Variants in LHFPL2 observed in about 807,000 individuals in gnomAD.
LHFPL2 encodes LHFPL tetraspan subfamily member 2 protein.
Under a neutral mutation model 17.5 loss-of-function variants are expected in LHFPL2, and 7 were observed. The ratio of observed to expected loss-of-function variants is 0.40; its 90% confidence interval spans 0.23 to 0.75. The LOEUF is 0.75. LHFPL2 is among the 30% of genes least tolerant of loss of function. LHFPL2 has a pLI of 0.37. For synonymous variants in LHFPL2, 134 were observed against 116.2 expected, an observed-to-expected ratio of 1.15 and a Z score of -0.99; for missense variants, 241 against 294.8, an observed-to-expected ratio of 0.82 and a Z score of 1.34.
intron 4 of LHFPL2, among the ~76,000 whole-genome samples, chr5:78,503,526 G>A (rs937440191): frequency 6.6e-5 from 10 of 152,096 alleles, no homozygotes; most frequent in Admixed American, 2.0e-4. Flanking sequence ...GTGAAACCCC[G>A]TCTCTACTAA....
At chr5:78,590,130 A>G (rs1346630941) in intron 2 of LHFPL2, 2 of 152,262 alleles carry the variant, frequency 1.3e-5, no homozygotes, top group African/African-American at 4.8e-5. Flanking sequence ...TTTCACACAC[A>G]TGGCTCTACT....
At chr5:78,602,802 G>A (rs1357206320) in intron 2 of LHFPL2, among the ~76,000 whole-genome samples, 1 of 152,156 alleles carries the variant, frequency 6.6e-6, no homozygotes, top group Non-Finnish European at 1.5e-5. Flanking sequence ...AGCCTTATGA[G>A]CCGGGCCCAT....
intron 2 of LHFPL2, among the ~76,000 whole-genome samples, chr5:78,596,659 G>A (rs981682761): frequency 2.0e-5 from 3 of 152,126 alleles, no homozygotes; most frequent in Non-Finnish European, 4.4e-5. Context: ...AGCCATGTCT[G>A]AATTATCCAA....
At chr5:78,520,833 C>T (rs2112341538) in intron 3 of LHFPL2, among the ~76,000 whole-genome samples, 1 of 152,302 alleles carries the variant, frequency 6.6e-6, no homozygotes, top group Middle Eastern at 3.4e-3. Flanking sequence ...AATGAGGCCC[C>T]CCTGCCCCGG....
chr5:78,554,283 C>T (rs567720070), intron 3 of LHFPL2, among the ~76,000 whole-genome samples: 3 of 152,394 alleles, frequency 2.0e-5, no homozygotes, highest in African/African-American at 4.8e-5. Context: ...CTTTTGGCCC[C>T]ACAAGGAGTT....
chr5:78,636,412 C>T (rs1745452086), intron 1 of LHFPL2, among the ~76,000 whole-genome samples: 1 of 152,206 alleles, frequency 6.6e-6, no homozygotes, highest in South Asian at 2.1e-4. Flanking sequence ...CAGCTGATCC[C>T]CCCACACTGA....
chr5:78,622,847 G>A (rs191057023), intron 2 of LHFPL2, among the ~76,000 whole-genome samples: 167 of 152,316 alleles, frequency 1.1e-3, no homozygotes, highest in Non-Finnish European at 1.9e-3. Flanking sequence ...AAGACCAGAA[G>A]ATACAGACTG....
At chr5:78,645,540 G>GCATACACATA (rs200179016) in intron 1 of LHFPL2, among the ~76,000 whole-genome samples, 1 of 86,206 alleles carries the variant, frequency 1.2e-5, no homozygotes, top group Admixed American at 1.3e-4. Flanking sequence ...ACAGACAGAT[G>GCATACACATA]CATACACACA....
At chr5:78,550,249 C>G (rs1004229716) in intron 3 of LHFPL2, among the ~76,000 whole-genome samples, 1 of 152,180 alleles carries the variant, frequency 6.6e-6, no homozygotes, top group Non-Finnish European at 1.5e-5. Flanking sequence ...ATCTTCACAA[C>G]CAGGTTCTCC....
chr5:78,619,577 TG>T (rs974294904), intron 2 of LHFPL2, among the ~76,000 whole-genome samples: 48 of 146,484 alleles, frequency 3.3e-4, no homozygotes, highest in Non-Finnish European at 5.6e-4. Flanking sequence ...TGTATACATG[TG>T]CCATGCTGGT....
chr5:78,523,967 C>T (rs551240343), intron 3 of LHFPL2, among the ~76,000 whole-genome samples: 10 of 152,142 alleles, frequency 6.6e-5, no homozygotes, highest in Admixed American at 6.5e-4. Context: ...AGGAAACGAG[C>T]CGGACAATGC....
chr5:78,586,761 A>G (rs559667960), intron 2 of LHFPL2, among the ~76,000 whole-genome samples: 104 of 152,354 alleles, frequency 6.8e-4, no homozygotes, highest in Non-Finnish European at 9.6e-4. Flanking sequence ...ATGCCCCACT[A>G]TTCAACTTTG....
intron 2 of LHFPL2, among the ~76,000 whole-genome samples, chr5:78,580,436 A>C (rs2112441494): frequency 6.6e-6 from 1 of 151,710 alleles, no homozygotes; most frequent in South Asian, 2.1e-4. Flanking sequence ...TATGTCCTGA[A>C]TGGTAATGCC....
intron 1 of LHFPL2, among the ~76,000 whole-genome samples, chr5:78,646,019 T>G (rs57598768): frequency 0.027 from 4,163 of 152,314 alleles, 195 homozygotes; most frequent in African/African-American, 0.095. Flanking sequence ...TCATGTTCAT[T>G]ACTATAGTTT....
chr5:78,532,216 G>A (rs754468029), intron 3 of LHFPL2, among the ~76,000 whole-genome samples: 3 of 151,916 alleles, frequency 2.0e-5, no homozygotes, highest in African/African-American at 4.8e-5. Context: ...GAGCCACTGC[G>A]CCCAGCCTAA....
At chr5:78,541,466 G>A (rs1756112114) in intron 3 of LHFPL2, among the ~76,000 whole-genome samples, 1 of 152,168 alleles carries the variant, frequency 6.6e-6, no homozygotes, top group African/African-American at 2.4e-5. Flanking sequence ...AAACCGCACA[G>A]CCCACTTGCT....
intron 4 of LHFPL2, among the ~76,000 whole-genome samples, chr5:78,491,682 G>A (rs932618432): frequency 1.3e-5 from 2 of 152,150 alleles, no homozygotes; most frequent in African/African-American, 4.8e-5. Context: ...CTGAGTGACC[G>A]ACATACGATT....
intron 2 of LHFPL2, among the ~76,000 whole-genome samples, chr5:78,631,322 C>G (rs1389874012): frequency 6.6e-6 from 1 of 152,144 alleles, no homozygotes; most frequent in South Asian, 2.1e-4. Flanking sequence ...CAAGGGAAGC[C>G]AAGGGGTCTG....
At chr5:78,538,518 CT>C (rs2112371100) in intron 3 of LHFPL2, among the ~76,000 whole-genome samples, 1 of 152,282 alleles carries the variant, frequency 6.6e-6, no homozygotes, top group African/African-American at 2.4e-5. Context: ...ACACAGTATT[CT>C]AGTTTGTCCC....
Sources: allele counts gnomAD v4.1 joint callset (sites outside exome capture counted in the v4.1 genomes callset), GRCh38; gene constraint gnomAD v4.1.1; transcripts MANE v1.5; gene names NCBI Gene and HGNC (gene_info 2026-07-23, HGNC 2026-07-21).